The following TDRKH variants were observed in gnomAD, a reference collection of about 807,000 sequenced individuals.
TDRKH encodes the protein tudor and KH domain-containing protein.
TDRKH carries 28 observed loss-of-function variants against 61.3 expected under a neutral mutation model. The observed-to-expected ratio is 0.46, with a 90% CI of 0.34 to 0.63. The LOEUF (loss-of-function observed/expected upper bound fraction) is 0.63. Ranked by LOEUF, TDRKH falls within the 20% of genes least tolerant of loss-of-function variation. The pLI is 0.01. For synonymous variants in TDRKH, 219 were observed against 244.4 expected, an observed-to-expected ratio of 0.90 and a Z score of 0.97; for missense variants, 540 against 683.4, an observed-to-expected ratio of 0.79 and a Z score of 2.34.
intron 6 of TDRKH, among the ~76,000 whole-genome samples, chr1:151,777,153 A>G (rs747116152): frequency 1.3e-5 from 2 of 152,202 alleles, no homozygotes; most frequent in Non-Finnish European, 1.5e-5. Flanking sequence ...TTGTTGATAA[A>G]GTATGTCTAG....
chr1:151,775,959 C>A, intron 8 of TDRKH, 75 bp from the exon 9 acceptor site: 1 of 1,583,190 alleles, frequency 6.3e-7, no homozygotes. Flanking sequence ...CAGAAAGAAC[C>A]AACTAACATG....
chr1:151,768,666 A>AT (rs903271124), downstream of TDRKH, among the ~76,000 whole-genome samples: 4 of 151,790 alleles, frequency 2.6e-5, no homozygotes, highest in African/African-American at 9.7e-5. Context: ...AGTTGGCCAA[A>AT]TTTTTTTTTC....
chr1:151,769,097 T>C (rs924797687), downstream of TDRKH, among the ~76,000 whole-genome samples: 1 of 151,846 alleles, frequency 6.6e-6, no homozygotes, highest in African/African-American at 2.4e-5. Context: ...CTGATTTCTC[T>C]ATCTTTTCCC....
rs951841526 is a variant in TDRKH at position 151,782,779 on chromosome 1, C to G, written c.124+120G>C. The G allele has an allele frequency of 5.9e-6, 8 of 1,363,968 alleles. No homozygotes were observed. In the African/African-American group the frequency reaches 1.1e-4, roughly 18 times the overall value. 84.5% of individuals were successfully genotyped at this position (1,363,968 alleles called of 1,614,324 possible). A position where few individuals can be genotyped will look rare whatever the true frequency, so the allele number is the denominator to read the frequency against. Reference sequence around the variant, plus strand: ...AGTGAGACCCTGTCTCAAAAAAACCCCACAAAAAACCCCAAAACAAAACAC... The same window carrying G: ...AGTGAGACCCTGTCTCAAAAAAACCGCACAAAAAACCCCAAAACAAAACAC... On this transcript the variant is annotated intron_variant, in intron 2 of 12. Transcript: ENST00000368824.
downstream of TDRKH, chr1:151,767,419 T>TA: frequency 6.7e-7 from 1 of 1,496,448 alleles, no homozygotes; most frequent in Middle Eastern, 1.9e-4. Context: ...TTGGAACGCA[T>TA]GTGTAAAAGC....
In TDRKH at chr1:151,776,164, G is replaced by C. The variant is rs758062003; in HGVS notation, c.1149C>G (p.Asn383Lys). 7 of 1,614,010 alleles carry C rather than the reference G, an allele frequency of 4.3e-6. No homozygotes were observed. Among genetic ancestry groups the C allele is most frequent in the Admixed American group, 1.7e-5 (1 of 59,990 alleles). Reference sequence around the variant, plus strand: ...CAAAGTCAACAAAATAGAGGTCCAAGTTCCCATTCTCCAAGGTGCCGAGGA... The same window carrying C: ...CAAAGTCAACAAAATAGAGGTCCAACTTCCCATTCTCCAAGGTGCCGAGGA... The part of the protein sequence containing the change: ...ARVLGTLENG[N>K]LDLYFVDFGD... Residue 383 changes from asparagine (N) to lysine (K), a missense_variant, in exon 8 of 13, where the codon AAC becomes AAG. By Grantham distance (94) the Asn-to-Lys change is moderately conservative (BLOSUM62 0). Transcript: ENST00000368824.
chr1:151,770,054 T>G, downstream of TDRKH: 1 of 1,545,376 alleles, frequency 6.5e-7, no homozygotes, highest in Non-Finnish European at 8.9e-7. Flanking sequence ...ACAACTTTGG[T>G]GGCATCAGAG....
At chr1:151,780,183 C>T in intron 3 of TDRKH, 43 bp from the exon 4 acceptor site, 1 of 1,585,698 alleles carries the variant, frequency 6.3e-7, no homozygotes, top group East Asian at 2.3e-5. Flanking sequence ...TGGAAGAGCT[C>T]CCATTTGAGC....
intron 1 of TDRKH, among the ~76,000 whole-genome samples, chr1:151,785,893 T>C (rs894127188): frequency 2.6e-5 from 4 of 152,206 alleles, no homozygotes; most frequent in African/African-American, 9.7e-5. Flanking sequence ...TAAATATCTG[T>C]ATTTCCAGAT....
intron 1 of TDRKH, among the ~76,000 whole-genome samples, chr1:151,790,155 G>T (rs555988997): frequency 1.3e-5 from 2 of 152,174 alleles, no homozygotes; most frequent in Admixed American, 1.3e-4. Flanking sequence ...CCGTTGTGGC[G>T]TAAGCGGGTG....
Position 151,782,936 on chromosome 1 carries a change from A to C in TDRKH, c.87T>G (p.Val29=). The C allele has an allele frequency of 1.2e-6, 2 of 1,613,512 alleles. No homozygotes were observed. The highest frequency in any genetic ancestry group is 1.7e-6 in the Non-Finnish European group (2 of 1,179,766). ...LGLGIPASAT[V]AYILYRRYRE... Reference sequence around the variant, plus strand: ...TATACCTGCGGTATAGGATATAGGCAACTGTTGCACTGGCTGGGATCCCAA... The same window carrying C: ...TATACCTGCGGTATAGGATATAGGCCACTGTTGCACTGGCTGGGATCCCAA... The change falls in exon 2 of 13, where the codon GTT becomes GTG. Residue 29 remains valine, a synonymous_variant. Coordinates refer to ENST00000368824, the MANE Select transcript of TDRKH (RefSeq NM_001083965.2).
In TDRKH at chr1:151,780,118, C is replaced by T. The variant is rs750097460; in HGVS notation, c.254G>A (p.Arg85Gln). ...TACATCCTCTGTGTCCACATCAATC[C>T]GAGCACCTGTCTGTTTCCGCAGCTG... is the stretch of plus-strand genomic sequence containing the variant. ...IKQLRKQTGARIDVDTEDVGD... is the reference protein window; with the variant it reads ...IKQLRKQTGAQIDVDTEDVGD... The change falls in exon 4 of 13, where the codon CGG (arginine) becomes CAG (glutamine). Residue 85 changes from arginine (R) to glutamine (Q), a missense_variant. By Grantham distance (43) the Arg-to-Gln change is conservative. Transcript: ENST00000368824. 2.0e-5 allele frequency: 32 copies of T among 1,612,112 alleles called. No homozygotes were observed. The highest frequency in any genetic ancestry group is 4.5e-5 in the East Asian group (2 of 44,800).
At chr1:151,771,500 C>T, downstream of TDRKH, 1 of 494,282 alleles carries the variant, frequency 2.0e-6, no homozygotes, top group South Asian at 5.0e-5. Context: ...AAACTATTTC[C>T]CCATTTATTC....
intron 2 of TDRKH, chr1:151,782,131 T>C: frequency 2.6e-6 from 1 of 383,814 alleles, no homozygotes; most frequent in Non-Finnish European, 5.0e-6. Context: ...TAAAATGAGT[T>C]CATTTCATAG....
chr1:151,766,502 T>TA (rs1648363069), downstream of TDRKH: 6 of 551,382 alleles, frequency 1.1e-5, no homozygotes, highest in Non-Finnish European at 1.9e-5. Context: ...TTCTATTTTT[T>TA]AATCATTCAT....
chr1:151,778,641 A>G, intron 6 of TDRKH, 44 bp downstream of exon 6: 1 of 1,598,764 alleles, frequency 6.3e-7, no homozygotes, highest in Non-Finnish European at 8.6e-7. Context: ...CTAAGCCAGT[A>G]TTTCTATCTT....
downstream of TDRKH, chr1:151,771,055 C>A (rs779434839): frequency 1.7e-5 from 26 of 1,554,968 alleles, no homozygotes; most frequent in East Asian, 5.7e-4. Flanking sequence ...ATGTTCTAAT[C>A]ATTTGTTCTA....
In TDRKH at chr1:151,779,882, T is replaced by C. The variant is rs1649582549; in HGVS notation, c.421+69A>G. Reference sequence around the variant, plus strand: ...AGGGGAACTAGGCCAGAAAAAACCCTGGGAAGGTGTGAAAGAGGGGCAAAG... The same window carrying C: ...AGGGGAACTAGGCCAGAAAAAACCCCGGGAAGGTGTGAAAGAGGGGCAAAG... On this transcript the variant is annotated intron_variant, in intron 4 of 12. Coordinates refer to ENST00000368824, the MANE Select transcript of TDRKH (RefSeq NM_001083965.2). 6 of 1,490,336 alleles carry C rather than the reference T, an allele frequency of 4.0e-6. No homozygotes were observed. The South Asian group carries it at 6.8e-5, about 17-fold the overall frequency. 92.3% of individuals were successfully genotyped at this position (1,490,336 alleles called of 1,614,324 possible).
Position 151,773,498 on chromosome 1 carries a change from C to G in TDRKH, c.*954G>C, listed in dbSNP as rs1337279812. The G allele has an allele frequency of 6.6e-6, 1 of 152,580 alleles. No individual in the cohort carries two copies. Among genetic ancestry groups the G allele is most frequent in the East Asian group, 1.9e-4 (1 of 5,198 alleles). The allele number at this position is 152,580 out of a possible 1,614,324, so 9.5% of individuals were successfully genotyped here. On this transcript the variant is annotated 3_prime_UTR_variant, in exon 13 of 13. Coordinates refer to ENST00000368824, the MANE Select transcript of TDRKH (RefSeq NM_001083965.2). ...TCAGAATTTGGTTTTAGAAAATTTT[C>G]TTGAGAACTTTATTCAGCAAAAAAA...
Sources: allele counts gnomAD v4.1 joint callset (sites outside exome capture counted in the v4.1 genomes callset), GRCh38; gene constraint gnomAD v4.1.1; transcripts MANE v1.5; gene names NCBI Gene and HGNC (gene_info 2026-07-23, HGNC 2026-07-21).